Variants in DISC1 observed in about 807,000 individuals in gnomAD.
DISC1 encodes disrupted in schizophrenia 1 protein.
A neutral mutation model predicts 84.5 loss-of-function variants in DISC1; 57 were observed. That is an observed-to-expected ratio of 0.67 (90% CI 0.55 to 0.84). The LOEUF is 0.84. Ranked by LOEUF, DISC1 falls within the 40% of genes least tolerant of loss-of-function variation. DISC1 has a pLI of 0.00. For synonymous variants in DISC1, 411 were observed against 415.2 expected, an observed-to-expected ratio of 0.99 and a Z score of 0.12; for missense variants, 1,000 against 1,057.8, an observed-to-expected ratio of 0.95 and a Z score of 0.76.
chr1:231,908,571 A>G (rs2088911814), intron 9 of DISC1, among the ~76,000 whole-genome samples: 1 of 151,854 alleles, frequency 6.6e-6, no homozygotes, highest in Non-Finnish European at 1.5e-5. Flanking sequence ...CTGTTACTGT[A>G]GCCTTGTAGT....
intron 10 of DISC1, among the ~76,000 whole-genome samples, chr1:231,987,889 T>C (rs1664670883): frequency 6.6e-6 from 1 of 152,150 alleles, no homozygotes; most frequent in South Asian, 2.1e-4. Context: ...AATTTTAGTT[T>C]ATAAGAACCT....
intron 10 of DISC1, among the ~76,000 whole-genome samples, chr1:231,973,823 G>C (rs1662395619): frequency 1.3e-5 from 2 of 152,154 alleles, no homozygotes; most frequent in African/African-American, 4.8e-5. Flanking sequence ...GTAATAGCAA[G>C]GAGACCATCT....
intron 9 of DISC1, among the ~76,000 whole-genome samples, chr1:231,940,236 C>G (rs1199429352): frequency 6.6e-6 from 1 of 152,098 alleles, no homozygotes; most frequent in East Asian, 1.9e-4. Context: ...CCAGTTTGCA[C>G]GGTTCTTGAG....
At chr1:231,891,769 C>T (rs977838703) in intron 9 of DISC1, among the ~76,000 whole-genome samples, 2 of 152,200 alleles carry the variant, frequency 1.3e-5, no homozygotes, top group East Asian at 1.9e-4. Flanking sequence ...ATTTAAAAAA[C>T]GATATTATAC....
At chr1:231,633,725 T>C in intron 1 of DISC1, among the ~76,000 whole-genome samples, 1 of 152,228 alleles carries the variant, frequency 6.6e-6, no homozygotes, top group South Asian at 2.1e-4. Flanking sequence ...AACGTGCATT[T>C]GACAGGTGGC....
chr1:231,864,554 G>A lies in DISC1; in HGVS notation c.1981+46037G>A, dbSNP rs994466033. Among the ~76,000 whole-genome samples, 7 of 152,144 alleles carry A rather than the reference G, an allele frequency of 4.6e-5. No individual in the cohort carries two copies. In the East Asian group the frequency reaches 5.8e-4, roughly 13 times the overall value. On this transcript the variant is annotated intron_variant, in intron 9 of 12. Coordinates refer to ENST00000439617, the MANE Select transcript of DISC1 (RefSeq NM_018662.3). ...GGTGGGCGCCTGTAATCCCAGCTAC[G>A]CAGGACGCTGAGGCAGGAGAATGAC... is the stretch of plus-strand genomic sequence containing the variant.
Position 231,948,973 on chromosome 1 carries a change from G to A in DISC1, c.1982-9855G>A, listed in dbSNP as rs574702337. Among the ~76,000 whole-genome samples the A allele has an allele frequency of 1.8e-4, 27 of 149,050 alleles. No homozygotes were observed. The South Asian group carries it at 3.9e-3, about 21-fold the overall frequency. ...CAACCTCCGCCTCCTGGGTTCAAGC[G>A]ATTCTCCTGCCTCAGCCTTCTGAGT... is the stretch of plus-strand genomic sequence containing the variant. On this transcript the variant is annotated intron_variant, in intron 9 of 12. Transcript: ENST00000439617.
intron 9 of DISC1, among the ~76,000 whole-genome samples, chr1:231,946,212 A>G (rs1197677196): frequency 1.3e-5 from 2 of 152,250 alleles, no homozygotes; most frequent in Admixed American, 6.5e-5. Context: ...AAAATCCTCA[A>G]TAAAATACTG....
chr1:231,789,807 T>G (rs1014841584), intron 6 of DISC1, among the ~76,000 whole-genome samples: 6 of 152,176 alleles, frequency 3.9e-5, no homozygotes, highest in African/African-American at 1.2e-4. Flanking sequence ...CAAGATTGAA[T>G]TTTTATTACT....
chr1:231,703,314 G>A (rs2066637547), intron 3 of DISC1, among the ~76,000 whole-genome samples: 1 of 152,190 alleles, frequency 6.6e-6, no homozygotes, highest in African/African-American at 2.4e-5. Flanking sequence ...GAGGAGGCAA[G>A]TCGGAGGCAG....
At chr1:231,811,074 C>G (rs772646992) in intron 8 of DISC1, among the ~76,000 whole-genome samples, 2 of 152,144 alleles carry the variant, frequency 1.3e-5, no homozygotes, top group Non-Finnish European at 2.9e-5. Context: ...TTGGAAAGTT[C>G]TGTGTGTCCA....
At chr1:231,925,228 T>A (rs574167440) in intron 9 of DISC1, among the ~76,000 whole-genome samples, 1 of 152,214 alleles carries the variant, frequency 6.6e-6, no homozygotes, top group Non-Finnish European at 1.5e-5. Context: ...TGCTCACTGC[T>A]TGCATGATCT....
At chr1:231,932,891 A>G (rs1318914692) in intron 9 of DISC1, among the ~76,000 whole-genome samples, 1 of 152,246 alleles carries the variant, frequency 6.6e-6, no homozygotes, top group Non-Finnish European at 1.5e-5. Flanking sequence ...TTTTGCCTCT[A>G]ATTCTCAACC....
At chr1:231,775,789 T>C (rs2076920447) in intron 6 of DISC1, among the ~76,000 whole-genome samples, 1 of 152,178 alleles carries the variant, frequency 6.6e-6, no homozygotes, top group Non-Finnish European at 1.5e-5. Context: ...CTGCAAGTCT[T>C]CCTTTGATGT....
At chr1:231,955,003 G>A (rs750643971) in intron 9 of DISC1, among the ~76,000 whole-genome samples, 32 of 152,272 alleles carry the variant, frequency 2.1e-4, no homozygotes, top group Non-Finnish European at 4.0e-4. Flanking sequence ...GTCACCAACT[G>A]GTGCTTCAGA....
chr1:231,818,980 AT>A, intron 9 of DISC1: 2 of 999,832 alleles, frequency 2.0e-6, no homozygotes, highest in Non-Finnish European at 2.4e-6. Context: ...CCCAGGAAGG[AT>A]GATGTAGAAG....
chr1:231,989,803 T>C (rs1043497156), intron 10 of DISC1, among the ~76,000 whole-genome samples: 2 of 152,308 alleles, frequency 1.3e-5, no homozygotes, highest in Non-Finnish European at 2.9e-5. Context: ...CAAGTACCTG[T>C]GCAGTTCTCT....
chr1:231,968,577 G>C (rs1423206718), intron 10 of DISC1, among the ~76,000 whole-genome samples: 3 of 140,122 alleles, frequency 2.1e-5, no homozygotes, highest in Non-Finnish European at 3.0e-5. Flanking sequence ...GGGCGACAGA[G>C]CGAGACTCCG....
chr1:231,695,636 T>C (rs2125670884), intron 2 of DISC1, among the ~76,000 whole-genome samples: 1 of 151,918 alleles, frequency 6.6e-6, no homozygotes, highest in East Asian at 1.9e-4. Flanking sequence ...CGTGTGTGTG[T>C]GTGCATGTTT....
Sources: gnomAD v4.1 joint callset for allele counts (sites outside exome capture counted in the v4.1 genomes callset) on GRCh38, gnomAD v4.1.1 for gene constraint, MANE v1.5 for transcripts, NCBI Gene and HGNC (gene_info 2026-07-23, HGNC 2026-07-21) for gene names.